Variants in OSBPL5 observed in about 807,000 individuals in gnomAD.
The protein encoded by OSBPL5 is oxysterol binding protein like 5, also known as oxysterol-binding protein-related protein 5.
OSBPL5 carries 71 observed loss-of-function variants against 111.2 expected under a neutral mutation model. The ratio of observed to expected loss-of-function variants is 0.64; its 90% CI spans 0.53 to 0.78. The LOEUF is 0.78. Among genes scored for constraint, OSBPL5 ranks in the 30% least tolerant of loss-of-function variants. The pLI, the probability that OSBPL5 is intolerant of heterozygous loss-of-function variation, is 0.00. For missense variants in OSBPL5, 1,210 were observed against 1,189.3 expected (o/e 1.02, Z -0.26); for synonymous variants, 549 against 513.9 (o/e 1.07, Z -0.93).
chr11:3,115,099 T>G (rs1048923716), intron 7 of OSBPL5, among the ~76,000 whole-genome samples: 10 of 152,104 alleles, frequency 6.6e-5, no homozygotes, highest in African/African-American at 2.4e-4. Flanking sequence ...TCAGGTTCTG[T>G]TTTTTTGTGT....
At chr11:3,137,661 C>G (rs1845986848) in intron 1 of OSBPL5, among the ~76,000 whole-genome samples, 1 of 152,200 alleles carries the variant, frequency 6.6e-6, no homozygotes, top group Admixed American at 6.5e-5. Context: ...AACATAAAAA[C>G]AGCCGGTTGT....
rs1256751010 is a variant in OSBPL5 at position 3,105,842 on chromosome 11, G to A, written c.1059+1421C>T. On this transcript the variant is annotated intron_variant, in intron 9 of 21. Transcript: ENST00000263650. This position sits in a 1 kb window ranked among gnomAD's most constrained non-coding sequence, Gnocchi z 5.2. ...GCTCTGCCTGGCTCACAGCAGCGTC[G>A]CTCATCACCATCTGGCTGAGATCTA... is the stretch of plus-strand genomic sequence containing the variant. Among the ~76,000 whole-genome samples, 4 of 150,534 alleles carry A rather than the reference G, an allele frequency of 2.7e-5. No individual in the cohort carries two copies. Among genetic ancestry groups the A allele is most frequent in the Middle Eastern group, 3.8e-3 (1 of 264 alleles).
At position 3,088,095 on chromosome 11, in the gene OSBPL5, C is replaced by A; in HGVS notation, c.*110G>T. On this transcript the variant is annotated 3_prime_UTR_variant, in exon 22 of 22. Transcript: ENST00000263650. The stretch of plus-strand genomic sequence containing the variant: ...TCCCTCCTGCGCCTGGACTCCCCGT[C>A]ACAGTGGCTGTGCTTGCCGGGCCTC... 9.0e-7 allele frequency: 1 copy of A among 1,112,578 alleles called. No individual in the cohort carries two copies. The highest frequency in any genetic ancestry group is 1.9e-5 in the South Asian group (1 of 52,566). The allele number at this position is 1,112,578 out of a possible 1,614,324, so 68.9% of individuals were successfully genotyped here. A position where few individuals can be genotyped will look rare whatever the true frequency, so the allele number is the denominator to read the frequency against.
rs1306756070 is a variant in OSBPL5 at position 3,094,235 on chromosome 11, A to G, written c.1719+2T>C. On this transcript the variant is annotated splice_donor_variant, in intron 15 of 21. Transcript: ENST00000263650. LOFTEE classifies it high-confidence loss of function. The stretch of plus-strand genomic sequence containing the variant: ...TCTCCCCCAGGCTGCAGCCAGCGCT[A>G]CCTTGAGTTTGAATTCCAGCTGGGC... 1.2e-6 allele frequency: 2 copies of G among 1,612,912 alleles called. No individual in the cohort carries two copies. The highest frequency in any genetic ancestry group is 4.5e-5 in the East Asian group (2 of 44,866).
Position 3,161,333 on chromosome 11 carries a change from G to C in OSBPL5, c.-22+3883C>G, listed in dbSNP as rs1288661493. 2 of 152,236 alleles carry C rather than the reference G, an allele frequency of 1.3e-5. No individual in the cohort carries two copies. The highest frequency in any genetic ancestry group is 2.9e-5 in the Non-Finnish European group (2 of 68,050). 9.4% of individuals were successfully genotyped at this position (152,236 alleles called of 1,614,324 possible). On this transcript the variant is annotated intron_variant, in intron 1 of 21. Transcript: ENST00000263650. The surrounding 1 kb of genome is among the most constrained non-coding windows in gnomAD (Gnocchi z 8.0). ...AGGGCTCCATTCCTAAATCAGAGATGATGGGACTCTGGGAAGAGTCACGCC... is the reference window on the plus strand; with the variant it reads ...AGGGCTCCATTCCTAAATCAGAGATCATGGGACTCTGGGAAGAGTCACGCC...
intron 14 of OSBPL5, 58 bp from the exon 15 acceptor site, chr11:3,094,392 C>T: frequency 7.1e-7 from 1 of 1,399,864 alleles, no homozygotes. Context: ...GCCCCAGGCC[C>T]TGCTGAGTAC....
Position 3,110,798 on chromosome 11 carries a change from C to T in OSBPL5, c.692-2853G>A, listed in dbSNP as rs1857898740. ...AAGCCCCTCCCCGCTTGAAGTTGTC[C>T]CGCCTTTCCAGACCAAACCAATGTT... On this transcript the variant is annotated intron_variant, in intron 7 of 21. Transcript: ENST00000263650. This position sits in a 1 kb window ranked among gnomAD's most constrained non-coding sequence, Gnocchi z 5.3. 6.6e-6 allele frequency among the ~76,000 whole-genome samples: 1 copy of T among 152,102 alleles called. No homozygotes were observed. The highest frequency in any genetic ancestry group is 1.5e-5 in the Non-Finnish European group (1 of 68,020).
At chr11:3,129,926 C>A (rs565592254) in intron 1 of OSBPL5, among the ~76,000 whole-genome samples, 55 of 152,370 alleles carry the variant, frequency 3.6e-4, no homozygotes, top group Non-Finnish European at 6.0e-4. Context: ...GCTCTCCCAG[C>A]CCCGCCCACT....
intron 2 of OSBPL5, among the ~76,000 whole-genome samples, chr11:3,127,511 C>G (rs765141089): frequency 2.8e-4 from 42 of 152,318 alleles, no homozygotes; most frequent in Non-Finnish European, 5.1e-4. Flanking sequence ...CGTGGCCACT[C>G]ACAGTCACAG....
At position 3,104,419 on chromosome 11, in the gene OSBPL5, CGGGA is replaced by C; in HGVS notation, c.1060-46_1060-43del. 1 of 1,590,156 alleles carries C rather than the reference CGGGA, an allele frequency of 6.3e-7. No individual in the cohort carries two copies. Among genetic ancestry groups the C allele is most frequent in the Non-Finnish European group, 8.5e-7 (1 of 1,175,172 alleles). On this transcript the variant is annotated intron_variant, in intron 9 of 21. Coordinates refer to ENST00000263650, the MANE Select transcript of OSBPL5 (RefSeq NM_020896.4). This position sits in a 1 kb window ranked among gnomAD's most constrained non-coding sequence, Gnocchi z 5.0. ...GCAGTCAGGCCCTGCCCGGAAGAGC[CGGGA>C]GGAAGGGGTGGCGGGACAGTGGCAG...
chr11:3,105,610 C>T lies in OSBPL5; in HGVS notation c.1060-1233G>A, dbSNP rs1454805201. 1.3e-5 allele frequency among the ~76,000 whole-genome samples: 2 copies of T among 152,124 alleles called. No individual in the cohort carries two copies. The highest frequency in any genetic ancestry group is 2.9e-5 in the Non-Finnish European group (2 of 68,010). ...TAGGTCCCCACCACTCCTCACTGGT[C>T]CAGCAGCCATCCCTGCTTCTCATCC... On this transcript the variant is annotated intron_variant, in intron 9 of 21. Transcript: ENST00000263650. The surrounding 1 kb of genome is among the most constrained non-coding windows in gnomAD (Gnocchi z 5.2).
chr11:3,122,402 T>C lies in OSBPL5; in HGVS notation c.246A>G (p.Ser82=), dbSNP rs979622462. ...PPAEYRLCNG[S]DKECVSPTAR... The stretch of plus-strand genomic sequence containing the variant: ...CGGTGGGGGACACACATTCCTTGTC[T>C]GACCCGTTGCACAGCCTGTACTCTG... Residue 82 remains serine (S), a synonymous_variant, in exon 4 of 22, where the codon TCA becomes TCG. Transcript: ENST00000263650. 2 of 1,613,886 alleles carry C rather than the reference T, an allele frequency of 1.2e-6. No homozygotes were observed. The highest frequency in any genetic ancestry group is 3.3e-5 in the Admixed American group (2 of 60,010).
chr11:3,097,108 AGG>A (rs1857296515), intron 14 of OSBPL5, among the ~76,000 whole-genome samples: 1 of 16,566 alleles, frequency 6.0e-5, no homozygotes, highest in African/African-American at 1.5e-4. Context: ...GGAAGATGGG[AGG>A]AGGAGGAGAG....
Position 3,092,652 on chromosome 11 carries a change from G to C in OSBPL5, c.2133-94C>G. 7.0e-7 allele frequency: 1 copy of C among 1,436,736 alleles called. No individual in the cohort carries two copies. Among genetic ancestry groups the C allele is most frequent in the Non-Finnish European group, 9.3e-7 (1 of 1,077,696 alleles). The allele number at this position is 1,436,736 out of a possible 1,614,324, so 89.0% of individuals were successfully genotyped here. A position where few individuals can be genotyped will look rare whatever the true frequency, so the allele number is the denominator to read the frequency against. ...GTCTTCAGCCCCCCAACAGTGGCCAGAGACCTCCAGGAGAATGACCACTGC... is the reference window on the plus strand; with the variant it reads ...GTCTTCAGCCCCCCAACAGTGGCCACAGACCTCCAGGAGAATGACCACTGC... On this transcript the variant is annotated intron_variant, in intron 18 of 21. Coordinates refer to ENST00000263650, the MANE Select transcript of OSBPL5 (RefSeq NM_020896.4). This position sits in a 1 kb window ranked among gnomAD's most constrained non-coding sequence, Gnocchi z 5.4.
In OSBPL5 at chr11:3,126,854, G is replaced by C. The variant is rs1390444600; in HGVS notation, c.137-299C>G. Among the ~76,000 whole-genome samples the C allele has an allele frequency of 6.6e-6, 1 of 152,172 alleles. No individual in the cohort carries two copies. Among genetic ancestry groups the C allele is most frequent in the Non-Finnish European group, 1.5e-5 (1 of 68,032 alleles). ...CTGGGCCTGCTGTAGTGTGCAATTG[G>C]GGGTCTGTGAAGGCCAGAGTCCCCA... On this transcript the variant is annotated intron_variant, in intron 2 of 21. Coordinates refer to ENST00000263650, the MANE Select transcript of OSBPL5 (RefSeq NM_020896.4). The surrounding 1 kb of genome is among the most constrained non-coding windows in gnomAD (Gnocchi z 6.5).
At chr11:3,096,263 T>A (rs1857249269) in intron 14 of OSBPL5, among the ~76,000 whole-genome samples, 2 of 152,174 alleles carry the variant, frequency 1.3e-5, no homozygotes, top group South Asian at 4.1e-4. Flanking sequence ...GTAGACTCGA[T>A]GACAACTAAG....
At chr11:3,120,080 G>C (rs370459349) in intron 6 of OSBPL5, 1 of 466,262 alleles carries the variant, frequency 2.1e-6, no homozygotes. Flanking sequence ...CCACCCGTTA[G>C]AGCTGGCAGG....
chr11:3,100,727 C>T (rs1006046199), intron 13 of OSBPL5, among the ~76,000 whole-genome samples: 8 of 152,096 alleles, frequency 5.3e-5, no homozygotes, highest in South Asian at 2.1e-4. Context: ...AGCAGAGAGC[C>T]GAGCACACAG....
Position 3,104,247 on chromosome 11 carries a change from C to A in OSBPL5, c.1190G>T (p.Arg397Leu), listed in dbSNP as rs776479428. 34 of 1,613,428 alleles carry A rather than the reference C, an allele frequency of 2.1e-5. No individual in the cohort carries two copies. Among genetic ancestry groups the A allele is most frequent in the Non-Finnish European group, 2.9e-5 (34 of 1,179,634 alleles). Residue 397 changes from arginine to leucine, a missense_variant, in exon 10 of 22, where the codon CGC becomes CTC. By Grantham distance (102) the Arg-to-Leu change is moderately radical. Transcript: ENST00000263650. The surrounding 1 kb of genome is among the most constrained non-coding windows in gnomAD (Gnocchi z 5.0). ...GTCGGAGAGCTTGTTCAGGAAGGAGCGCGGCTCCAGTACGAACGTGGGTAG... is the reference window on the plus strand; with the variant it reads ...GTCGGAGAGCTTGTTCAGGAAGGAGAGCGGCTCCAGTACGAACGTGGGTAG... ...VVLPTFVLEPRSFLNKLSDYY... is the reference protein window; with the variant it reads ...VVLPTFVLEPLSFLNKLSDYY...
Sources: allele counts gnomAD v4.1 joint callset (sites outside exome capture counted in the v4.1 genomes callset), GRCh38; gene constraint gnomAD v4.1.1; non-coding constraint Gnocchi (gnomAD v3.1); transcripts MANE v1.5; gene names NCBI Gene and HGNC (gene_info 2026-07-23, HGNC 2026-07-21).